ZFHX3: variants seen among roughly 807,000 people sequenced by gnomAD.
The protein encoded by ZFHX3 is zinc finger homeobox protein 3.
ZFHX3 carries 42 observed loss-of-function variants against 279.1 expected under a neutral mutation model. The observed-to-expected ratio is 0.15, with a 90% CI of 0.12 to 0.19. The LOEUF (loss-of-function observed/expected upper bound fraction) is 0.19. ZFHX3 is among the 10% of genes least tolerant of loss of function. The probability of loss-of-function intolerance (pLI) is 1.00; values close to 1 mark genes in which losing one functional copy is unlikely to be tolerated. For missense variants in ZFHX3, 4,981 were observed against 4,754.0 expected (o/e 1.05, Z -1.40); for synonymous variants, 2,293 against 1,957.8 (o/e 1.17, Z -4.52).
chr16:73,445,747 G>T (rs2018175935), intron 3 of ZFHX3, among the ~76,000 whole-genome samples: 1 of 152,184 alleles, frequency 6.6e-6, no homozygotes, highest in African/African-American at 2.4e-5. Context: ...CACTGCCTGT[G>T]CCTGCGGTAG....
chr16:73,312,606 T>C (rs1160436705), intron 4 of ZFHX3, among the ~76,000 whole-genome samples: 1 of 152,156 alleles, frequency 6.6e-6, no homozygotes, highest in Non-Finnish European at 1.5e-5. Context: ...TCAACATTCA[T>C]TGAGGGCTTT....
In ZFHX3 at chr16:73,237,533, T is replaced by G. The variant is rs2012990246; in HGVS notation, c.-1104+19514A>C. 2.0e-5 allele frequency among the ~76,000 whole-genome samples: 3 copies of G among 146,514 alleles called. No homozygotes were observed. The South Asian group carries it at 6.9e-4, about 34-fold the overall frequency. On this transcript the variant is annotated intron_variant, in intron 5 of 17. Transcript: ENST00000641206. ...TGTGAGCCACCAAATGCAGCCTTTTTTTTTTTTTTTTTTTTTTTGGAGAGA... is the reference window on the plus strand; with the variant it reads ...TGTGAGCCACCAAATGCAGCCTTTTGTTTTTTTTTTTTTTTTTTGGAGAGA...
In ZFHX3 at chr16:73,668,754, A is replaced by G. The variant is rs2052871739; in HGVS notation, c.-1547+11426T>C. Among the ~76,000 whole-genome samples, 4 of 152,120 alleles carry G rather than the reference A, an allele frequency of 2.6e-5. No homozygotes were observed. The South Asian group carries it at 8.3e-4, about 32-fold the overall frequency. On this transcript the variant is annotated intron_variant, in intron 2 of 17. Coordinates refer to the ZFHX3 transcript ENST00000641206. ...AACCCCATCAAAAAGTGGGCAAAGGATATGAACAGACACTTCTCAAAAGAA... is the reference window on the plus strand; with the variant it reads ...AACCCCATCAAAAAGTGGGCAAAGGGTATGAACAGACACTTCTCAAAAGAA...
intron 7 of ZFHX3, among the ~76,000 whole-genome samples, chr16:73,096,454 G>A (rs1389178755): frequency 2.6e-5 from 4 of 151,632 alleles, no homozygotes; most frequent in Admixed American, 6.6e-5. Flanking sequence ...CCAGGGTGGA[G>A]TGCAGTGATG....
At position 73,157,465 on chromosome 16, in the gene ZFHX3, T is replaced by TA. The variant is rs1297201223; in HGVS notation, c.-1103-13635dup. ...TCCTGGGTGATTTAGGAATGTTTGG[T>TA]AAAAAAAAAAAAAAAAAAGGCCAGT... On this transcript the variant is annotated intron_variant, in intron 5 of 17. Coordinates refer to the ZFHX3 transcript ENST00000641206. 1.6e-3 allele frequency among the ~76,000 whole-genome samples: 123 copies of TA among 76,508 alleles called. 2 individuals carry two copies. The highest frequency in any genetic ancestry group is 0.01 in the Middle Eastern group (1 of 96). 50.2% of individuals were successfully genotyped at this position (76,508 alleles called of 152,430 possible).
At chr16:73,626,930 G>C (rs1802935410) in intron 2 of ZFHX3, among the ~76,000 whole-genome samples, 1 of 152,134 alleles carries the variant, frequency 6.6e-6, no homozygotes, top group Non-Finnish European at 1.5e-5. Flanking sequence ...TCTCTGCTTA[G>C]CATCTGGGAT....
intron 3 of ZFHX3, among the ~76,000 whole-genome samples, chr16:73,446,062 T>A (rs1487637715): frequency 1.3e-5 from 2 of 152,216 alleles, no homozygotes; most frequent in Non-Finnish European, 2.9e-5. Context: ...TGAGGATCTG[T>A]TTCTGAAATG....
At chr16:73,612,113 T>C (rs906109102) in intron 2 of ZFHX3, among the ~76,000 whole-genome samples, 3 of 151,944 alleles carry the variant, frequency 2.0e-5, no homozygotes, top group South Asian at 4.2e-4. Context: ...TGGTGGAGAG[T>C]TGTGGGAAAC....
intron 9 of ZFHX3, chr16:72,789,986 C>T (rs1233841413): frequency 6.6e-6 from 1 of 152,334 alleles, no homozygotes; most frequent in Non-Finnish European, 1.5e-5. Flanking sequence ...AAAGGTCTGA[C>T]CATATCACCA....
At chr16:73,667,827 C>G (rs1400058473) in intron 2 of ZFHX3, among the ~76,000 whole-genome samples, 1 of 152,158 alleles carries the variant, frequency 6.6e-6, no homozygotes, top group Non-Finnish European at 1.5e-5. Flanking sequence ...TGGACGGTAG[C>G]CTTGCTTGAC....
chr16:72,883,450 T>C (rs942966064), intron 4 of ZFHX3, among the ~76,000 whole-genome samples: 2 of 152,148 alleles, frequency 1.3e-5, no homozygotes, highest in African/African-American at 2.4e-5. Flanking sequence ...CATCTGACAT[T>C]CTGTTAGAGT....
At chr16:73,638,061 C>G (rs898228389) in intron 2 of ZFHX3, among the ~76,000 whole-genome samples, 2 of 152,132 alleles carry the variant, frequency 1.3e-5, no homozygotes, top group Non-Finnish European at 2.9e-5. Flanking sequence ...TATTTTCATA[C>G]ACTGTTAATA....
At chr16:73,487,081 AAT>A (rs763738683) in intron 2 of ZFHX3, among the ~76,000 whole-genome samples, 5 of 152,232 alleles carry the variant, frequency 3.3e-5, no homozygotes, top group African/African-American at 9.6e-5. Flanking sequence ...TGGGTAGAAG[AAT>A]AGTGTTCCTT....
chr16:73,485,190 G>A (rs1261014359), intron 2 of ZFHX3, among the ~76,000 whole-genome samples: 4 of 152,154 alleles, frequency 2.6e-5, no homozygotes, highest in Non-Finnish European at 5.9e-5. Context: ...ACGGCAACTT[G>A]CTTGCACAAT....
chr16:72,974,835 T>G (rs1389706778), intron 1 of ZFHX3, among the ~76,000 whole-genome samples: 1 of 152,178 alleles, frequency 6.6e-6, no homozygotes, highest in Admixed American at 6.5e-5. Context: ...CCCTTTGGGA[T>G]GTGCGTACTA....
At chr16:73,810,149 C>A (rs1159535531) in intron 1 of ZFHX3, among the ~76,000 whole-genome samples, 2 of 152,192 alleles carry the variant, frequency 1.3e-5, no homozygotes, top group Non-Finnish European at 2.9e-5. Flanking sequence ...GGCACAGCCA[C>A]CCCGCCACCT....
intron 2 of ZFHX3, among the ~76,000 whole-genome samples, chr16:73,471,239 C>CA (rs1490490513): frequency 1.3e-5 from 2 of 152,094 alleles, no homozygotes; most frequent in Admixed American, 6.5e-5. Flanking sequence ...GCTGTTTTTA[C>CA]AAAAAGGCAA....
intron 3 of ZFHX3, among the ~76,000 whole-genome samples, chr16:73,454,988 T>G (rs1012863051): frequency 6.6e-6 from 1 of 152,186 alleles, no homozygotes; most frequent in Non-Finnish European, 1.5e-5. Context: ...AATGAAGACC[T>G]TTTATGCCAA....
chr16:73,159,338 T>C (rs949312817), intron 5 of ZFHX3, among the ~76,000 whole-genome samples: 13 of 152,224 alleles, frequency 8.5e-5, no homozygotes, highest in African/African-American at 2.4e-4. Context: ...TCTAAGTCCT[T>C]GGGTGGTGCC....
Sources: allele counts gnomAD v4.1 joint callset (sites outside exome capture counted in the v4.1 genomes callset), GRCh38; gene constraint gnomAD v4.1.1; transcripts MANE v1.5; gene names NCBI Gene and HGNC (gene_info 2026-07-23, HGNC 2026-07-21).